CSNK2A2IP: variants seen among roughly 807,000 people sequenced by gnomAD.
CSNK2A2IP encodes casein kinase II subunit alpha'-interacting protein.
chr3:88,440,838 C>T, the CSNK2A2IP span, among the ~76,000 whole-genome samples: 6 of 152,012 alleles, frequency 3.9e-5, no homozygotes, highest in Non-Finnish European at 8.8e-5. Flanking sequence ...TACATTCATC[C>T]GGTTACCTCA....
the CSNK2A2IP span, among the ~76,000 whole-genome samples, chr3:88,347,471 C>T: frequency 6.6e-6 from 1 of 152,036 alleles, no homozygotes; most frequent in Admixed American, 6.6e-5. Context: ...GATCAGTCAG[C>T]AGCCATTCAC....
chr3:88,360,493 T>A, the CSNK2A2IP span, among the ~76,000 whole-genome samples: 1 of 152,164 alleles, frequency 6.6e-6, no homozygotes, highest in Non-Finnish European at 1.5e-5. Context: ...ATGCTCTTTT[T>A]TTTGGTTTTC....
chr3:88,415,697 G>C, the CSNK2A2IP span, among the ~76,000 whole-genome samples: 1 of 151,936 alleles, frequency 6.6e-6, no homozygotes, highest in African/African-American at 2.4e-5. Flanking sequence ...ACATACCAAT[G>C]AGGTGTTCTG....
At chr3:88,366,385 C>A in the CSNK2A2IP span, among the ~76,000 whole-genome samples, 1 of 152,048 alleles carries the variant, frequency 6.6e-6, no homozygotes, top group Non-Finnish European at 1.5e-5. Context: ...CCAGATGAAG[C>A]TGGGAAGACT....
At chr3:88,431,383 C>G in the CSNK2A2IP span, 1 of 152,222 alleles carries the variant, frequency 6.6e-6, no homozygotes, top group East Asian at 1.9e-4. Flanking sequence ...TATGTTCTCA[C>G]TCTTAGGTGG....
chr3:88,453,630 G>T, the CSNK2A2IP span, among the ~76,000 whole-genome samples: 1 of 152,014 alleles, frequency 6.6e-6, no homozygotes, highest in African/African-American at 2.4e-5. Flanking sequence ...AGAAAACAAA[G>T]CATTTGCCTC....
the CSNK2A2IP span, among the ~76,000 whole-genome samples, chr3:88,389,227 A>G: frequency 8.1e-6 from 1 of 122,866 alleles, no homozygotes; most frequent in African/African-American, 2.6e-5. Context: ...AGACAGTAAC[A>G]TTTAATTTAA....
the CSNK2A2IP span, among the ~76,000 whole-genome samples, chr3:88,461,445 C>A: frequency 6.6e-6 from 1 of 151,856 alleles, no homozygotes; most frequent in African/African-American, 2.4e-5. Context: ...CCCAGCTACT[C>A]GTGAGGCTGA....
the CSNK2A2IP span, among the ~76,000 whole-genome samples, chr3:88,429,229 T>C: frequency 6.6e-6 from 1 of 152,172 alleles, no homozygotes; most frequent in South Asian, 2.1e-4. Flanking sequence ...GCATTTCCCT[T>C]CACTTCTTGT....
At chr3:88,451,634 G>A in the CSNK2A2IP span, among the ~76,000 whole-genome samples, 1 of 149,980 alleles carries the variant, frequency 6.7e-6, no homozygotes, top group Non-Finnish European at 1.5e-5. Flanking sequence ...TTCCTGTATT[G>A]TACCTTTCAT....
chr3:88,364,886 A>G, the CSNK2A2IP span, among the ~76,000 whole-genome samples: 8 of 152,226 alleles, frequency 5.3e-5, no homozygotes, highest in African/African-American at 1.9e-4. Flanking sequence ...AATAGCTAAC[A>G]TTTATTTAGC....
At chr3:88,353,302 A>C in the CSNK2A2IP span, among the ~76,000 whole-genome samples, 4 of 152,072 alleles carry the variant, frequency 2.6e-5, no homozygotes, top group Admixed American at 1.3e-4. Context: ...AAATGAATAT[A>C]AAAAACCAAA....
chr3:88,450,797 A>G, the CSNK2A2IP span, among the ~76,000 whole-genome samples: 1 of 152,150 alleles, frequency 6.6e-6, no homozygotes, highest in East Asian at 1.9e-4. Context: ...ATTGTAAATA[A>G]TGCTGCAATG....
the CSNK2A2IP span, among the ~76,000 whole-genome samples, chr3:88,458,115 T>C: frequency 5.3e-5 from 8 of 150,498 alleles, no homozygotes; most frequent in Non-Finnish European, 1.5e-5. Flanking sequence ...ACATCACCTC[T>C]CTTAATCCTG....
chr3:88,391,188 G>A, the CSNK2A2IP span, among the ~76,000 whole-genome samples: 1 of 152,160 alleles, frequency 6.6e-6, no homozygotes, highest in African/African-American at 2.4e-5. Context: ...ATAGAGATTT[G>A]TAGATACCCT....
chr3:88,432,221 A>C, the CSNK2A2IP span, among the ~76,000 whole-genome samples: 1 of 152,066 alleles, frequency 6.6e-6, no homozygotes, highest in Middle Eastern at 3.5e-3. Context: ...ATATTTTCAC[A>C]ATTGTTTTAA....
At chr3:88,375,821 A>G in the CSNK2A2IP span, among the ~76,000 whole-genome samples, 1 of 151,896 alleles carries the variant, frequency 6.6e-6, no homozygotes, top group Non-Finnish European at 1.5e-5. Flanking sequence ...ATATTCACTC[A>G]AGACACCATG....
At chr3:88,459,320 G>A in the CSNK2A2IP span, among the ~76,000 whole-genome samples, 10 of 151,950 alleles carry the variant, frequency 6.6e-5, no homozygotes, top group South Asian at 2.1e-4. Flanking sequence ...TATATATGAA[G>A]TATCCATGAT....
the CSNK2A2IP span, among the ~76,000 whole-genome samples, chr3:88,360,031 G>T: frequency 1.3e-3 from 194 of 152,146 alleles, 2 homozygotes; most frequent in African/African-American, 4.3e-3. Context: ...TTATACATCT[G>T]TGTGCTTCAG....
Sources: allele counts gnomAD v4.1 joint callset (sites outside exome capture counted in the v4.1 genomes callset), GRCh38; gene constraint gnomAD v4.1.1; transcripts MANE v1.5; gene names NCBI Gene and HGNC (gene_info 2026-07-23, HGNC 2026-07-21).